NEK11: variants seen among roughly 807,000 people sequenced by gnomAD.
The protein encoded by NEK11 is NIMA related kinase 11.
A neutral mutation model predicts 80.7 loss-of-function variants in NEK11; 72 were observed. The observed-to-expected ratio is 0.89, with a 90% CI of 0.74 to 1.08. The LOEUF is 1.08. NEK11 is among the 50% of genes least tolerant of loss of function. The pLI is 0.00. For missense variants in NEK11, 764 were observed against 763.6 expected, an observed-to-expected ratio of 1.00 and a Z score of -0.01; for synonymous variants, 251 against 260.7, an observed-to-expected ratio of 0.96 and a Z score of 0.36.
intron 13 of NEK11, among the ~76,000 whole-genome samples, chr3:131,169,315 C>A (rs1363693717): frequency 2.0e-5 from 3 of 152,120 alleles, no homozygotes; most frequent in African/African-American, 7.2e-5. Flanking sequence ...CTTTATATTT[C>A]AAAAGCACTT....
At chr3:131,128,845 G>C (rs376928137) in intron 5 of NEK11, among the ~76,000 whole-genome samples, 76 of 152,224 alleles carry the variant, frequency 5.0e-4, no homozygotes, top group African/African-American at 1.8e-3. Flanking sequence ...GATTTGGGCC[G>C]TTCTAATAGG....
At chr3:131,327,695 A>C (rs1287153669) in intron 17 of NEK11, 1 of 147,326 alleles carries the variant, frequency 6.8e-6, no homozygotes, top group East Asian at 2.1e-4. Flanking sequence ...TCTGCATTTG[A>C]GTCACTCCAG....
At chr3:131,134,406 AT>A (rs35221767) in intron 7 of NEK11, 51,230 of 147,706 alleles carry the variant, frequency 0.35, 9,870 homozygotes, top group East Asian at 0.65. Flanking sequence ...AGGATAAACT[AT>A]TTTTTTTTTT....
intron 17 of NEK11, among the ~76,000 whole-genome samples, chr3:131,278,907 C>G (rs2108782503): frequency 6.6e-6 from 1 of 152,222 alleles, no homozygotes; most frequent in Non-Finnish European, 1.5e-5. Flanking sequence ...GGCCCCCTCC[C>G]TCCTGAATCA....
intron 3 of NEK11, among the ~76,000 whole-genome samples, chr3:131,030,625 C>T (rs191813288): frequency 2.6e-4 from 39 of 152,260 alleles, no homozygotes; most frequent in African/African-American, 7.9e-4. Flanking sequence ...CTTTCCATGG[C>T]GAGGATTTTC....
At chr3:131,178,027 C>G (rs187581628) in intron 14 of NEK11, among the ~76,000 whole-genome samples, 5 of 152,296 alleles carry the variant, frequency 3.3e-5, no homozygotes, top group African/African-American at 1.2e-4. Context: ...TATTACTGTC[C>G]TGCATATTGT....
At chr3:131,303,309 C>G (rs1231073295) in intron 17 of NEK11, among the ~76,000 whole-genome samples, 1 of 152,104 alleles carries the variant, frequency 6.6e-6, no homozygotes, top group Non-Finnish European at 1.5e-5. Context: ...TTAATTGTGG[C>G]ATTTGGTCTG....
intron 14 of NEK11, among the ~76,000 whole-genome samples, chr3:131,206,628 T>G (rs1049394461): frequency 6.6e-6 from 1 of 152,212 alleles, no homozygotes; most frequent in Non-Finnish European, 1.5e-5. Context: ...AGGGCTAACA[T>G]TACAGGTACT....
intron 13 of NEK11, 135 bp downstream of exon 13, chr3:131,169,072 T>C: frequency 1.8e-6 from 1 of 563,256 alleles, no homozygotes; most frequent in South Asian, 2.9e-5. Flanking sequence ...AGGAAAAAGC[T>C]TCATTGAGCT....
chr3:131,272,530 C>A lies in NEK11; in HGVS notation c.1622-948C>A, dbSNP rs559270860. On this transcript the variant is annotated intron_variant, in intron 16 of 17. Coordinates refer to ENST00000383366, the MANE Select transcript of NEK11 (RefSeq NM_024800.5). ...TTGTTCTTTCACCCAGGCTGGAGTG[C>A]CGTGGTGCGATCTGAGCTCATTGCA... Among the ~76,000 whole-genome samples, 14 of 124,436 alleles carry A rather than the reference C, an allele frequency of 1.1e-4. No homozygotes were observed. The South Asian group carries it at 3.8e-3, about 34-fold the overall frequency. The allele number at this position is 124,436 out of a possible 152,430, so 81.6% of individuals were successfully genotyped here.
intron 14 of NEK11, among the ~76,000 whole-genome samples, chr3:131,172,263 T>C (rs971564930): frequency 1.3e-5 from 2 of 152,246 alleles, no homozygotes; most frequent in Non-Finnish European, 2.9e-5. Flanking sequence ...CTCTGTGTTG[T>C]TGGAGGTCTG....
intron 4 of NEK11, among the ~76,000 whole-genome samples, chr3:131,100,014 A>G (rs573502072): frequency 7.9e-5 from 12 of 152,202 alleles, no homozygotes; most frequent in Non-Finnish European, 1.6e-4. Flanking sequence ...GAGTGGTAAG[A>G]GTGGGCACCC....
chr3:131,078,821 T>G (rs2074791535), intron 3 of NEK11, among the ~76,000 whole-genome samples: 1 of 151,590 alleles, frequency 6.6e-6, no homozygotes, highest in African/African-American at 2.4e-5. Flanking sequence ...TTTTCTCCAG[T>G]TTTTGGCTGT....
intron 13 of NEK11, among the ~76,000 whole-genome samples, chr3:131,169,434 G>A (rs1185875082): frequency 6.6e-6 from 1 of 152,172 alleles, no homozygotes; most frequent in African/African-American, 2.4e-5. Flanking sequence ...TTGTTTTTCA[G>A]ACCCTAGCTG....
At chr3:131,143,142 C>CA (rs2087336672) in intron 7 of NEK11, among the ~76,000 whole-genome samples, 1 of 152,126 alleles carries the variant, frequency 6.6e-6, no homozygotes, top group Admixed American at 6.5e-5. Flanking sequence ...GAAATAAGAA[C>CA]ATTTCTATGA....
intron 7 of NEK11, among the ~76,000 whole-genome samples, chr3:131,148,665 T>C (rs957266624): frequency 6.6e-6 from 1 of 151,848 alleles, no homozygotes; most frequent in Admixed American, 6.6e-5. Context: ...GGTCAGGGGA[T>C]ACTTCTGTTG....
At chr3:131,223,933 A>G (rs1243946832) in intron 14 of NEK11, among the ~76,000 whole-genome samples, 1 of 152,218 alleles carries the variant, frequency 6.6e-6, no homozygotes, top group African/African-American at 2.4e-5. Context: ...ATAAATAAAT[A>G]TTTTAAACTT....
At chr3:131,242,827 C>A (rs866082715) in intron 15 of NEK11, among the ~76,000 whole-genome samples, 1 of 152,086 alleles carries the variant, frequency 6.6e-6, no homozygotes, top group African/African-American at 2.4e-5. Flanking sequence ...TGGTGGAGGA[C>A]AAATTTATTT....
intron 12 of NEK11, 140 bp from the exon 13 acceptor site, chr3:131,168,690 C>T (rs1349822283): frequency 6.8e-6 from 4 of 589,208 alleles, no homozygotes; most frequent in Non-Finnish European, 8.9e-6. Context: ...CTGCTAATTC[C>T]TATGCTGCTG....
Sources: gnomAD v4.1 joint callset for allele counts (sites outside exome capture counted in the v4.1 genomes callset) on GRCh38, gnomAD v4.1.1 for gene constraint, MANE v1.5 for transcripts, NCBI Gene and HGNC (gene_info 2026-07-23, HGNC 2026-07-21) for gene names.